The following ROBO2 variants were observed in gnomAD, a reference collection of about 807,000 sequenced individuals.
ROBO2 encodes the protein roundabout guidance receptor 2.
In ROBO2, 53 loss-of-function variants were observed where a neutral mutation model predicts 160.8. The ratio of observed to expected loss-of-function variants is 0.33; its 90% CI spans 0.26 to 0.41. The LOEUF is 0.41. Ranked by LOEUF, ROBO2 falls within the 10% of genes least tolerant of loss-of-function variation. The probability of loss-of-function intolerance (pLI) is 1.00; values close to 1 mark genes in which losing one functional copy is unlikely to be tolerated. For synonymous variants in ROBO2, 664 were observed against 611.7 expected (o/e 1.09, Z -1.26); for missense variants, 1,577 against 1,722.4 (o/e 0.92, Z 1.49).
chr3:77,645,942 T>C, intron 25 of ROBO2, 112 bp from the exon 28 acceptor site: 1 of 684,266 alleles, frequency 1.5e-6, no homozygotes, highest in Non-Finnish European at 2.5e-6. Flanking sequence ...AACTCATCTA[T>C]CTGAAGACCT....
intron 2 of ROBO2, among the ~76,000 whole-genome samples, chr3:76,153,776 A>G (rs1338048860): frequency 2.6e-5 from 4 of 152,126 alleles, no homozygotes; most frequent in African/African-American, 7.2e-5. Context: ...TAAAGTCCCT[A>G]CAGAGAGATC....
At chr3:77,076,885 G>A (rs375629609) in intron 1 of ROBO2, among the ~76,000 whole-genome samples, 3 of 152,222 alleles carry the variant, frequency 2.0e-5, no homozygotes, top group African/African-American at 7.2e-5. Flanking sequence ...ACTGATTAGT[G>A]CAGATTTTGT....
chr3:77,143,925 C>T (rs924363969), intron 2 of ROBO2, among the ~76,000 whole-genome samples: 2 of 152,108 alleles, frequency 1.3e-5, no homozygotes, highest in Admixed American at 6.5e-5. Flanking sequence ...TGTAAACTTA[C>T]GGACCATTGA....
intron 2 of ROBO2, among the ~76,000 whole-genome samples, chr3:75,966,779 A>T (rs557351319): frequency 4.6e-4 from 70 of 151,788 alleles, no homozygotes; most frequent in African/African-American, 1.6e-3. Context: ...CCAAATGATA[A>T]CAGAAGCTAT....
chr3:77,558,718 A>G (rs1278189052), intron 9 of ROBO2, among the ~76,000 whole-genome samples: 1 of 152,084 alleles, frequency 6.6e-6, no homozygotes, highest in Non-Finnish European at 1.5e-5. Context: ...AAAAATGAGC[A>G]TTCCTGGCAA....
intron 2 of ROBO2, among the ~76,000 whole-genome samples, chr3:76,537,473 A>C (rs1274818930): frequency 6.6e-6 from 1 of 152,058 alleles, no homozygotes; most frequent in Admixed American, 6.5e-5. Flanking sequence ...GGGGGAAGAA[A>C]TTGAAGGAGA....
At chr3:77,349,822 A>G (rs951588734) in intron 2 of ROBO2, among the ~76,000 whole-genome samples, 1 of 152,034 alleles carries the variant, frequency 6.6e-6, no homozygotes, top group Non-Finnish European at 1.5e-5. Flanking sequence ...CCCACTTTAT[A>G]TTGCAATCGT....
intron 2 of ROBO2, among the ~76,000 whole-genome samples, chr3:76,031,595 G>T (rs966457613): frequency 6.6e-6 from 1 of 152,112 alleles, no homozygotes; most frequent in South Asian, 2.1e-4. Flanking sequence ...TTTGTCAAAG[G>T]CCTTTTCTGA....
chr3:77,011,591 T>C (rs1407866377), intron 2 of ROBO2, among the ~76,000 whole-genome samples: 1 of 151,906 alleles, frequency 6.6e-6, no homozygotes, highest in African/African-American at 2.4e-5. Flanking sequence ...CCCAACCAGA[T>C]TGATCCTAGT....
chr3:76,969,234 A>G (rs1380515997), intron 2 of ROBO2, among the ~76,000 whole-genome samples: 3 of 152,212 alleles, frequency 2.0e-5, no homozygotes, highest in African/African-American at 7.2e-5. Context: ...GTTAATATAA[A>G]AAAAGTTAAA....
At chr3:77,204,428 CT>C (rs2083219691) in intron 2 of ROBO2, among the ~76,000 whole-genome samples, 1 of 151,964 alleles carries the variant, frequency 6.6e-6, no homozygotes, top group Non-Finnish European at 1.5e-5. Context: ...TAAGGTTCAG[CT>C]TTTTTTGTCC....
Position 76,942,996 on chromosome 3 carries a change from C to T in ROBO2, c.110-155018C>T, listed in dbSNP as rs75804973. Among the ~76,000 whole-genome samples the T allele has an allele frequency of 5.9e-4, 90 of 152,244 alleles. No homozygotes were observed. The East Asian group carries it at 0.012, about 20-fold the overall frequency. ...TATGCGTTTATTATTATTATTTTAA[C>T]CTATCAAAAATATTGTGTAGAGAAA... is the stretch of plus-strand genomic sequence containing the variant. On this transcript the variant is annotated intron_variant, in intron 2 of 26. Coordinates refer to the ROBO2 transcript ENST00000487694.
At position 76,207,397 on chromosome 3, in the gene ROBO2, A is replaced by G. The variant is rs914742928; in HGVS notation, c.109+269795A>G. Among the ~76,000 whole-genome samples the G allele has an allele frequency of 5.9e-5, 9 of 152,170 alleles. No homozygotes were observed. In the East Asian group the frequency reaches 1.7e-3, roughly 29 times the overall value. On this transcript the variant is annotated intron_variant, in intron 2 of 26. Coordinates refer to the ROBO2 transcript ENST00000487694. ...TGGAAGTATACGAAGTGTTAGTTAC[A>G]TGTGGGCTATAAATTTATGATGTTA...
At chr3:76,628,070 A>T (rs1030044186) in intron 2 of ROBO2, among the ~76,000 whole-genome samples, 1 of 152,196 alleles carries the variant, frequency 6.6e-6, no homozygotes, top group Non-Finnish European at 1.5e-5. Flanking sequence ...TCATAAAAAA[A>T]TAAAGCTTTT....
intron 2 of ROBO2, among the ~76,000 whole-genome samples, chr3:77,429,606 A>G (rs528242927): frequency 1.7e-5 from 2 of 116,336 alleles, no homozygotes; most frequent in South Asian, 3.2e-4. Flanking sequence ...TCATGTAAAA[A>G]GCAGGGTTTT....
intron 18 of ROBO2, among the ~76,000 whole-genome samples, chr3:77,595,414 T>C (rs1324618117): frequency 6.6e-6 from 1 of 152,168 alleles, no homozygotes; most frequent in Non-Finnish European, 1.5e-5. Context: ...TAGTAGTAAA[T>C]ATCACATGGA....
chr3:76,844,579 C>T (rs11717360), intron 2 of ROBO2, among the ~76,000 whole-genome samples: 14,448 of 151,908 alleles, frequency 0.095, 953 homozygotes, highest in East Asian at 0.23. Flanking sequence ...CCAAGCCTCA[C>T]TTATACACTG....
chr3:77,596,697 C>T, exon 19 of ROBO2: 2 of 1,613,828 alleles, frequency 1.2e-6, no homozygotes, highest in East Asian at 2.2e-5. Context: ...ACGAGCTTGC[C>T]AGTAAATAAT....
At chr3:77,553,836 C>T (rs945223278) in intron 8 of ROBO2, among the ~76,000 whole-genome samples, 7 of 151,892 alleles carry the variant, frequency 4.6e-5, no homozygotes, top group African/African-American at 7.3e-5. Context: ...AAAAAGCCAT[C>T]TTCATAACTA....
Sources: allele counts gnomAD v4.1 joint callset (sites outside exome capture counted in the v4.1 genomes callset), GRCh38; gene constraint gnomAD v4.1.1; transcripts MANE v1.5; gene names NCBI Gene and HGNC (gene_info 2026-07-23, HGNC 2026-07-21).